The following CASK variants were observed in gnomAD, a reference collection of about 807,000 sequenced individuals.
CASK encodes the protein calcium/calmodulin dependent serine protein kinase.
A neutral mutation model predicts 82.9 loss-of-function variants in CASK; 4 were observed. The ratio of observed to expected loss-of-function variants is 0.05; its 90% CI spans 0.02 to 0.11. CASK has a LOEUF of 0.11. Among genes scored for constraint, CASK ranks in the 10% least tolerant of loss-of-function variants. CASK has a pLI of 1.00. For synonymous variants in CASK, 259 were observed against 253.5 expected, an observed-to-expected ratio of 1.02 and a Z score of -0.20; for missense variants, 358 against 720.9, an observed-to-expected ratio of 0.50 and a Z score of 5.76.
chrX:41,757,481 C>T (rs959840798), intron 3 of CASK, among the ~76,000 whole-genome samples: 5 of 111,903 alleles, frequency 4.5e-5, no homozygotes, highest in Middle Eastern at 4.2e-3. Flanking sequence ...TACCTCTCTA[C>T]GGTCATTTAG....
At chrX:41,622,680 T>C (rs1232215373) in intron 10 of CASK, 46 bp from the exon 11 acceptor site, 4 of 1,124,824 alleles carry the variant, frequency 3.6e-6, no homozygotes, top group Admixed American at 2.3e-5. Context: ...AGTATGATTT[T>C]AGAACAAGCA....
At chrX:41,759,304 T>A (rs778834669) in intron 3 of CASK, among the ~76,000 whole-genome samples, 2 of 111,604 alleles carry the variant, frequency 1.8e-5, no homozygotes, top group Non-Finnish European at 3.8e-5. Context: ...AATCTTTCTT[T>A]TCCCTGTTAT....
intron 9 of CASK, among the ~76,000 whole-genome samples, chrX:41,633,056 AAATAAT>A (rs1324014048): frequency 1.2e-5 from 1 of 86,324 alleles, no homozygotes; most frequent in Non-Finnish European, 2.6e-5. Context: ...AAAAAAAAAA[AAATAAT>A]AATAATAATA....
chrX:41,711,844 G>T (rs771837934), intron 5 of CASK, among the ~76,000 whole-genome samples: 2 of 111,904 alleles, frequency 1.8e-5, no homozygotes, highest in South Asian at 7.5e-4. Flanking sequence ...CTGCAGGGGT[G>T]GGGGGGCCAC....
At chrX:41,625,865 C>A (rs5964023) in intron 10 of CASK, among the ~76,000 whole-genome samples, 1 of 107,257 alleles carries the variant, frequency 9.3e-6, no homozygotes, top group Non-Finnish European at 1.9e-5. Context: ...CTGCAACCTC[C>A]GCCTCCCGGG....
chrX:41,574,044 T>C (rs1302357123), intron 15 of CASK, among the ~76,000 whole-genome samples: 1 of 110,906 alleles, frequency 9.0e-6, no homozygotes, highest in Non-Finnish European at 1.9e-5. Flanking sequence ...CCATCCAAAG[T>C]GGAGAGTGTT....
rs200161960 is a variant in CASK at position 41,701,008 on chromosome X, G to GT, written c.430-29479dup. Among the ~76,000 whole-genome samples, 454 of 103,344 alleles carry GT rather than the reference G, an allele frequency of 4.4e-3. 5 individuals are homozygous for GT. The highest frequency in any genetic ancestry group is 0.015 in the African/African-American group (434 of 28,516). The allele number at this position is 103,344 out of a possible 115,157, so 89.7% of individuals were successfully genotyped here. ...ATCTTGCAAAGGTGGGGTTAAGTGT[G>GT]TTTTTGCAAAGCTCAGGTGACCCCC... is the stretch of plus-strand genomic sequence containing the variant. On this transcript the variant is annotated intron_variant, in intron 5 of 26. Coordinates refer to ENST00000378163, the MANE Select transcript of CASK (RefSeq NM_001367721.1).
chrX:41,591,755 G>A (rs940257112), intron 12 of CASK, among the ~76,000 whole-genome samples: 6 of 110,047 alleles, frequency 5.5e-5, no homozygotes, highest in African/African-American at 2.0e-4. Flanking sequence ...AATTACAGGC[G>A]TGAGCCACCG....
chrX:41,679,487 A>C (rs1184424181), intron 5 of CASK, among the ~76,000 whole-genome samples: 1 of 112,338 alleles, frequency 8.9e-6, no homozygotes, highest in Non-Finnish European at 1.9e-5. Flanking sequence ...CATTGTATGA[A>C]TATATCAGTT....
intron 18 of CASK, 95 bp downstream of exon 18, chrX:41,559,683 CA>C (rs1374395419): frequency 1.4e-6 from 1 of 733,158 alleles, no homozygotes; most frequent in Non-Finnish European, 2.1e-6. Flanking sequence ...ACAGCACAGG[CA>C]GAAACAATTT....
At chrX:41,552,093 A>AT (rs1218077716) in intron 21 of CASK, among the ~76,000 whole-genome samples, 10,802 of 91,944 alleles carry the variant, frequency 0.12, 715 homozygotes, top group Non-Finnish European at 0.17. Context: ...CACCTGGCTA[A>AT]TTTTTTTTTT....
chrX:41,821,917 A>G (rs11797526), intron 2 of CASK, among the ~76,000 whole-genome samples: 19,056 of 111,422 alleles, frequency 0.17, 1,446 homozygotes, highest in Middle Eastern at 0.3. Flanking sequence ...GATGTGAGTT[A>G]GTGAGCCTTT....
intron 1 of CASK, among the ~76,000 whole-genome samples, chrX:41,876,556 A>G (rs1306302655): frequency 8.9e-6 from 1 of 111,865 alleles, no homozygotes; most frequent in Non-Finnish European, 1.9e-5. Flanking sequence ...GTTGCCTTAT[A>G]TGTTTATGTT....
intron 3 of CASK, among the ~76,000 whole-genome samples, chrX:41,776,002 T>C (rs919078760): frequency 5.5e-5 from 6 of 109,025 alleles, no homozygotes; most frequent in Admixed American, 9.8e-5. Context: ...AACCTGCACA[T>C]TGTGCACATG....
At chrX:41,656,466 G>T (rs1408163100) in intron 8 of CASK, among the ~76,000 whole-genome samples, 1 of 112,198 alleles carries the variant, frequency 8.9e-6, no homozygotes, top group African/African-American at 3.2e-5. Flanking sequence ...TATTTGGAGA[G>T]CTGAACACCA....
At chrX:41,695,659 C>T (rs764448245) in intron 5 of CASK, 30 of 1,200,438 alleles carry the variant, frequency 2.5e-5, no homozygotes, top group Middle Eastern at 2.3e-4. Flanking sequence ...ATAACAATGA[C>T]GACAACTTCA....
chrX:41,857,629 G>A (rs1017688140), intron 1 of CASK, among the ~76,000 whole-genome samples: 1 of 111,890 alleles, frequency 8.9e-6, no homozygotes, highest in Non-Finnish European at 1.9e-5. Flanking sequence ...AGAAGCGTTG[G>A]CCGATAATTT....
chrX:41,638,186 G>T, intron 8 of CASK, among the ~76,000 whole-genome samples: 1 of 111,565 alleles, frequency 9.0e-6, no homozygotes, highest in East Asian at 2.8e-4. Context: ...CACAAAAAAG[G>T]TAAATTGTAG....
chrX:41,672,976 G>C (rs2067216584), intron 5 of CASK, among the ~76,000 whole-genome samples: 1 of 112,037 alleles, frequency 8.9e-6, no homozygotes, highest in Non-Finnish European at 1.9e-5. Flanking sequence ...AATACCCCTA[G>C]CATGATTCCA....
Sources: gnomAD v4.1 joint callset for allele counts (sites outside exome capture counted in the v4.1 genomes callset) on GRCh38, gnomAD v4.1.1 for gene constraint, MANE v1.5 for transcripts, NCBI Gene and HGNC (gene_info 2026-07-23, HGNC 2026-07-21) for gene names.